ASB3: variants seen among roughly 807,000 people sequenced by gnomAD.
The protein encoded by ASB3 is ankyrin repeat and SOCS box containing 3.
ASB3 carries 41 observed loss-of-function variants against 54.5 expected under a neutral mutation model. That is an observed-to-expected ratio of 0.75 (90% CI 0.59 to 0.98). The LOEUF is 0.98. ASB3 is among the 50% of genes least tolerant of loss of function. The pLI, the probability that ASB3 is intolerant of heterozygous loss-of-function variation, is 0.00. For missense variants in ASB3, 733 were observed against 620.0 expected, an observed-to-expected ratio of 1.18 and a Z score of -1.94; for synonymous variants, 266 against 221.2, an observed-to-expected ratio of 1.20 and a Z score of -1.80.
At chr2:53,767,947 C>A (rs1010559927) in intron 1 of ASB3, 5 of 1,614,050 alleles carry the variant, frequency 3.1e-6, no homozygotes, top group East Asian at 2.2e-5. Context: ...TCAGGACAAG[C>A]TGGTCGGATA....
intron 2 of ASB3, among the ~76,000 whole-genome samples, chr2:53,764,725 T>A (rs1046739448): frequency 6.6e-6 from 1 of 152,220 alleles, no homozygotes; most frequent in Admixed American, 6.5e-5. Flanking sequence ...ACTCCTACCA[T>A]GGCCGATCCC....
intron 7 of ASB3, among the ~76,000 whole-genome samples, chr2:53,708,240 C>A (rs1558529522): frequency 6.6e-6 from 1 of 152,112 alleles, no homozygotes; most frequent in Non-Finnish European, 1.5e-5. Flanking sequence ...GTGTGTGGCA[C>A]CTCCCACACT....
At chr2:53,677,118 T>C (rs1323561522) in intron 9 of ASB3, among the ~76,000 whole-genome samples, 1 of 152,196 alleles carries the variant, frequency 6.6e-6, no homozygotes, top group Admixed American at 6.6e-5. Context: ...CACAAATACT[T>C]ACCAATGTGT....
intron 5 of ASB3, among the ~76,000 whole-genome samples, chr2:53,719,588 C>T (rs12990201): frequency 2.6e-5 from 4 of 151,428 alleles, no homozygotes; most frequent in Admixed American, 2.6e-4. Context: ...CAAGATAATC[C>T]CCCCTTCACC....
rs1301053453 is a variant in ASB3, at chr2:53,670,550, G to C, written c.1510C>G (p.Leu504Val). The change falls in exon 10 of 10, where the codon CTG becomes GTG. Residue 504 changes from leucine to valine, a missense_variant. Physicochemically the swap from Leu to Val is conservative, Grantham distance 32. Coordinates refer to ENST00000263634, the MANE Select transcript of ASB3 (RefSeq NM_016115.5). The stretch of plus-strand genomic sequence containing the variant: ...AGTTCTGGAACTTCATACATCCTCA[G>C]AACGTCTTCATAGAGCAAATAATTA... Reference protein sequence around the residue: ...LHNYLLYEDVLRMYEVPELAA... With the variant: ...LHNYLLYEDVVRMYEVPELAA... 2 of 1,613,930 alleles carry C rather than the reference G, an allele frequency of 1.2e-6. No homozygotes were observed. The highest frequency in any genetic ancestry group is 1.7e-6 in the Non-Finnish European group (2 of 1,179,972).
At chr2:53,743,232 T>C (rs766263163) in intron 3 of ASB3, among the ~76,000 whole-genome samples, 310 of 150,628 alleles carry the variant, frequency 2.1e-3, no homozygotes, top group Middle Eastern at 3.4e-3. Flanking sequence ...CTCGAACTCC[T>C]GGCCTCAAGT....
intron 8 of ASB3, among the ~76,000 whole-genome samples, chr2:53,698,909 T>C (rs1279549287): frequency 2.6e-5 from 4 of 152,230 alleles, no homozygotes; most frequent in Non-Finnish European, 5.9e-5. Flanking sequence ...CATTACCTAG[T>C]TCGAAAGCTA....
At chr2:53,734,415 C>A (rs1204627956) in intron 3 of ASB3, among the ~76,000 whole-genome samples, 1 of 152,134 alleles carries the variant, frequency 6.6e-6, no homozygotes, top group Admixed American at 6.5e-5. Context: ...ACTGAACTAC[C>A]CCCAAAGACT....
intron 7 of ASB3, among the ~76,000 whole-genome samples, chr2:53,701,829 C>T (rs1439439478): frequency 2.6e-5 from 4 of 151,984 alleles, no homozygotes. Context: ...TATAAAATGC[C>T]CAAAATTCTG....
At chr2:53,719,462 T>C (rs971733998) in intron 5 of ASB3, among the ~76,000 whole-genome samples, 5 of 152,196 alleles carry the variant, frequency 3.3e-5, no homozygotes, top group African/African-American at 1.2e-4. Context: ...AAAAAGCATC[T>C]CCGACCAGGA....
intron 7 of ASB3, among the ~76,000 whole-genome samples, chr2:53,706,439 G>A (rs1355908020): frequency 6.6e-6 from 1 of 151,982 alleles, no homozygotes; most frequent in South Asian, 2.1e-4. Context: ...GGAGTCAAAA[G>A]GCAGCTTCTT....
intron 1 of ASB3, among the ~76,000 whole-genome samples, chr2:53,776,430 T>G: frequency 6.6e-6 from 1 of 152,226 alleles, no homozygotes; most frequent in Non-Finnish European, 1.5e-5. Flanking sequence ...GTTCCTGTTA[T>G]GCCTATCTTT....
intron 7 of ASB3, among the ~76,000 whole-genome samples, chr2:53,711,043 T>C (rs1472584921): frequency 6.6e-6 from 1 of 152,060 alleles, no homozygotes; most frequent in Admixed American, 6.5e-5. Flanking sequence ...GGCAGGATAA[T>C]TGCCTGAGCC....
intron 9 of ASB3, among the ~76,000 whole-genome samples, chr2:53,687,548 C>G (rs1668694327): frequency 6.6e-6 from 1 of 152,196 alleles, no homozygotes; most frequent in African/African-American, 2.4e-5. Flanking sequence ...AGAATGGGCT[C>G]TGATTCTCAC....
chr2:53,697,172 T>C (rs1160900181), intron 8 of ASB3, among the ~76,000 whole-genome samples: 1 of 152,188 alleles, frequency 6.6e-6, no homozygotes, highest in Admixed American at 6.5e-5. Context: ...ATTAGCATGC[T>C]AGAAGACACT....
intron 7 of ASB3, among the ~76,000 whole-genome samples, chr2:53,703,688 A>C (rs1360956024): frequency 1.3e-5 from 2 of 152,228 alleles, no homozygotes; most frequent in Non-Finnish European, 2.9e-5. Flanking sequence ...AAAGTAGATA[A>C]AAGTTTATTA....
chr2:53,737,781 A>G (rs2103950451), intron 3 of ASB3, among the ~76,000 whole-genome samples: 1 of 152,160 alleles, frequency 6.6e-6, no homozygotes, highest in South Asian at 2.1e-4. Flanking sequence ...TCAAAACGAA[A>G]ATTTCGAGAA....
intron 3 of ASB3, among the ~76,000 whole-genome samples, chr2:53,739,417 TCTAA>T (rs1176555143): frequency 1.3e-5 from 2 of 152,170 alleles, no homozygotes; most frequent in Non-Finnish European, 2.9e-5. Context: ...AAGTACTAAA[TCTAA>T]CTAGAAATAG....
intron 1 of ASB3, among the ~76,000 whole-genome samples, chr2:53,785,712 C>T (rs1479978656): frequency 3.9e-5 from 6 of 152,094 alleles, no homozygotes; most frequent in Admixed American, 3.9e-4. Context: ...TAGCGGCGCG[C>T]GCCTGTAATC....
Sources: gnomAD v4.1 joint callset for allele counts (sites outside exome capture counted in the v4.1 genomes callset) on GRCh38, gnomAD v4.1.1 for gene constraint, MANE v1.5 for transcripts, NCBI Gene and HGNC (gene_info 2026-07-23, HGNC 2026-07-21) for gene names.